Variants in USP48 observed in about 807,000 individuals in gnomAD.
USP48 encodes ubiquitin specific peptidase 48.
In USP48, 43 loss-of-function variants were observed where a neutral mutation model predicts 150.7. The observed-to-expected ratio is 0.29, with a 90% CI of 0.22 to 0.37. The LOEUF is 0.37. USP48 is among the 10% of genes least tolerant of loss of function. USP48 has a pLI of 1.00. For synonymous variants in USP48, 396 were observed against 425.9 expected, an observed-to-expected ratio of 0.93 and a Z score of 0.86; for missense variants, 813 against 1,249.6, an observed-to-expected ratio of 0.65 and a Z score of 5.27.
At chr1:21,714,759 C>G (rs988430198) in intron 15 of USP48, among the ~76,000 whole-genome samples, 3 of 152,074 alleles carry the variant, frequency 2.0e-5, no homozygotes, top group Admixed American at 2.0e-4. Flanking sequence ...ATACATGAAC[C>G]AATACATAGG....
chr1:21,716,045 C>T (rs185427710), intron 14 of USP48, among the ~76,000 whole-genome samples: 253 of 152,318 alleles, frequency 1.7e-3, no homozygotes, highest in African/African-American at 5.8e-3. Flanking sequence ...CACACTGTGG[C>T]CATAACTTAC....
At chr1:21,746,720 T>TG (rs1009778233) in intron 8 of USP48, among the ~76,000 whole-genome samples, 1 of 152,198 alleles carries the variant, frequency 6.6e-6, no homozygotes, top group Non-Finnish European at 1.5e-5. Flanking sequence ...TAGAGGCGCT[T>TG]GGAGACTGTT....
intron 5 of USP48, among the ~76,000 whole-genome samples, chr1:21,752,016 C>CAAAAA (rs943113295): frequency 7.9e-5 from 5 of 63,480 alleles, no homozygotes; most frequent in Non-Finnish European, 9.5e-5. Flanking sequence ...GAGTCCATCT[C>CAAAAA]AAAAAAAAAA....
In USP48 at chr1:21,695,053, A is replaced by C; in HGVS notation, c.2883+13T>G. On this transcript the variant is annotated intron_variant, in intron 23 of 26. Transcript: ENST00000308271. ...TTAAGTCCAGAGCAAACTTGAACAA[A>C]TGTTTCCCTCACCTGAATTTTCAAT... is the stretch of plus-strand genomic sequence containing the variant. The C allele has an allele frequency of 6.2e-7, 1 of 1,606,146 alleles. No individual in the cohort carries two copies. Among genetic ancestry groups the C allele is most frequent in the Non-Finnish European group, 8.5e-7 (1 of 1,177,108 alleles).
intron 21 of USP48, among the ~76,000 whole-genome samples, chr1:21,701,923 C>T (rs1049260621): frequency 2.0e-5 from 3 of 152,148 alleles, no homozygotes; most frequent in African/African-American, 7.2e-5. Context: ...TGCTTGACAC[C>T]TTCCCGAGCA....
intron 25 of USP48, 155 bp downstream of exon 25, chr1:21,687,036 A>AT: frequency 1.4e-6 from 1 of 693,434 alleles, no homozygotes; most frequent in Non-Finnish European, 2.4e-6. Flanking sequence ...CCTCCTTTCT[A>AT]TGATCTTTTA....
At chr1:21,703,879 A>G (rs2097664633) in intron 20 of USP48, among the ~76,000 whole-genome samples, 1 of 152,124 alleles carries the variant, frequency 6.6e-6, no homozygotes. Flanking sequence ...AAGACTACAG[A>G]TATGTGCTAC....
chr1:21,686,417 C>T (rs1395932267), intron 25 of USP48: 2 of 152,146 alleles, frequency 1.3e-5, no homozygotes, highest in Non-Finnish European at 2.9e-5. Flanking sequence ...TTATCAAATG[C>T]TTTTTCTTTG....
At chr1:21,746,117 G>A (rs1214032976) in intron 8 of USP48, among the ~76,000 whole-genome samples, 2 of 152,054 alleles carry the variant, frequency 1.3e-5, no homozygotes, top group Non-Finnish European at 1.5e-5. Flanking sequence ...GTCTCTTAAA[G>A]GTTTTTACAG....
Position 21,688,712 on chromosome 1 carries a change from A to G in USP48, c.3009+1262T>C, listed in dbSNP as rs140094599. ...CAAAAAATTGGCCGGGTGTGGTGGC[A>G]CACGCCTGTAATCCCAGATACTCGG... On this transcript the variant is annotated intron_variant, in intron 24 of 26. Coordinates refer to ENST00000308271, the MANE Select transcript of USP48 (RefSeq NM_032236.8). 6.6e-3 allele frequency among the ~76,000 whole-genome samples: 1,001 copies of G among 151,718 alleles called. 12 individuals carry two copies. The highest frequency in any genetic ancestry group is 0.023 in the African/African-American group (939 of 41,406).
intron 22 of USP48, among the ~76,000 whole-genome samples, chr1:21,700,727 G>A (rs992081844): frequency 6.6e-6 from 1 of 151,522 alleles, no homozygotes; most frequent in African/African-American, 2.4e-5. Context: ...TTGAGAAGCT[G>A]AAACTTATCT....
intron 24 of USP48, among the ~76,000 whole-genome samples, chr1:21,689,351 T>C (rs2097590421): frequency 6.8e-6 from 1 of 146,650 alleles, no homozygotes; most frequent in Admixed American, 6.8e-5. Context: ...TTGGAGGGCA[T>C]TGGGGAGGGG....
chr1:21,739,101 T>A (rs925820366), intron 8 of USP48, among the ~76,000 whole-genome samples: 1 of 152,160 alleles, frequency 6.6e-6, no homozygotes, highest in Non-Finnish European at 1.5e-5. Flanking sequence ...GGGAACACTA[T>A]GATCGACTTG....
intron 21 of USP48, among the ~76,000 whole-genome samples, chr1:21,703,294 C>A (rs1029154907): frequency 1.3e-5 from 2 of 152,216 alleles, no homozygotes; most frequent in East Asian, 3.8e-4. Context: ...AGCTGACATT[C>A]AGTAAATATC....
chr1:21,726,367 A>C (rs2097737213), intron 11 of USP48: 1 of 152,190 alleles, frequency 6.6e-6, no homozygotes, highest in South Asian at 2.1e-4. Context: ...TGGTTTTTGA[A>C]TTGTTCAATA....
intron 24 of USP48, among the ~76,000 whole-genome samples, chr1:21,688,660 G>A (rs1054725464): frequency 4.6e-5 from 7 of 151,386 alleles, no homozygotes; most frequent in African/African-American, 7.3e-5. Flanking sequence ...TGGCCAACAC[G>A]GTGAAACCCT....
chr1:21,778,276 C>A (rs576088748), intron 1 of USP48, among the ~76,000 whole-genome samples: 4 of 151,856 alleles, frequency 2.6e-5, no homozygotes, highest in Admixed American at 2.6e-4. Context: ...CCAATAAGTA[C>A]ACAAAAAGAT....
intron 1 of USP48, among the ~76,000 whole-genome samples, chr1:21,761,955 T>C (rs1221844132): frequency 6.6e-6 from 1 of 152,174 alleles, no homozygotes; most frequent in Non-Finnish European, 1.5e-5. Flanking sequence ...GGGAAAGGTC[T>C]ACTATAAGAG....
In USP48 at chr1:21,708,505, AAAAC is replaced by A. The variant is rs112365417; in HGVS notation, c.1964-1641_1964-1638del. 5.3e-3 allele frequency among the ~76,000 whole-genome samples: 794 copies of A among 149,198 alleles called. 1 individual carries two copies. Among genetic ancestry groups the A allele is most frequent in the African/African-American group, 8.9e-3 (366 of 41,212 alleles). On this transcript the variant is annotated intron_variant, in intron 15 of 26. Coordinates refer to ENST00000308271, the MANE Select transcript of USP48 (RefSeq NM_032236.8). ...GAGCAAGACTCTGTCTCAAAAAACA[AAAAC>A]AAACAAACAAACAAACAAACAAACC... is the stretch of plus-strand genomic sequence containing the variant.
Sources: gnomAD v4.1 joint callset for allele counts (sites outside exome capture counted in the v4.1 genomes callset) on GRCh38, gnomAD v4.1.1 for gene constraint, MANE v1.5 for transcripts, NCBI Gene and HGNC (gene_info 2026-07-23, HGNC 2026-07-21) for gene names.